Variants in CAPRIN1 observed in about 807,000 individuals in gnomAD.
The protein encoded by CAPRIN1 is caprin-1.
Under a neutral mutation model 100.9 loss-of-function variants are expected in CAPRIN1, and 29 were observed. The ratio of observed to expected loss-of-function variants is 0.29; its 90% CI spans 0.21 to 0.39. CAPRIN1 has a LOEUF of 0.39. CAPRIN1 is among the 10% of genes least tolerant of loss of function. The pLI, the probability that CAPRIN1 is intolerant of heterozygous loss-of-function variation, is 1.00. For synonymous variants in CAPRIN1, 338 were observed against 307.5 expected (o/e 1.10, Z -1.04); for missense variants, 795 against 876.7 (o/e 0.91, Z 1.18).
intron 2 of CAPRIN1, among the ~76,000 whole-genome samples, chr11:34,059,208 CT>C (rs1031502334): frequency 3.3e-5 from 5 of 151,560 alleles, no homozygotes; most frequent in African/African-American, 1.2e-4. Context: ...CCATGCTCAG[CT>C]AAAGTAGTTT....
intron 15 of CAPRIN1, among the ~76,000 whole-genome samples, chr11:34,094,843 A>C (rs1170669323): frequency 6.6e-6 from 1 of 152,162 alleles, no homozygotes; most frequent in Non-Finnish European, 1.5e-5. Context: ...ATCACACTTA[A>C]GTTATTATGC....
intron 2 of CAPRIN1, among the ~76,000 whole-genome samples, chr11:34,067,855 G>C (rs1850729297): frequency 6.6e-6 from 1 of 151,976 alleles, no homozygotes; most frequent in African/African-American, 2.4e-5. Context: ...ACTTTCTTTT[G>C]TCATAATGTT....
At chr11:34,056,676 TTA>T (rs1360129225) in intron 2 of CAPRIN1, 1 of 152,188 alleles carries the variant, frequency 6.6e-6, no homozygotes, top group African/African-American at 2.4e-5. Context: ...AGTCTTAATT[TTA>T]ACTGAAGAGA....
rs1851371608 is a variant in CAPRIN1, at chr11:34,096,632, G to T, written c.1859G>T (p.Gly620Val). The T allele has an allele frequency of 1.9e-6, 3 of 1,610,238 alleles. No homozygotes were observed. In the South Asian group the frequency reaches 3.3e-5, roughly 18 times the overall value. The change falls in exon 16 of 19, where the codon GGC (glycine) becomes GTC (valine). Residue 620 changes from glycine to valine, a missense_variant. By Grantham distance (109) the Gly-to-Val change is moderately radical. Transcript: ENST00000341394. The stretch of plus-strand genomic sequence containing the variant: ...CGTGGAGGCTCCCGTGGTGCTAGAG[G>T]CTTGATGAATGGATACCGGGGCCCT... ...VSRGGSRGARGLMNGYRGPAN... is the reference protein window; with the variant it reads ...VSRGGSRGARVLMNGYRGPAN...
chr11:34,090,479 TGGCTAAG>T, intron 13 of CAPRIN1, 43 bp from the exon 14 acceptor site: 1 of 1,586,026 alleles, frequency 6.3e-7, no homozygotes, highest in Admixed American at 1.7e-5. Flanking sequence ...ACTTTTTGTT[TGGCTAAG>T]TTTAGTTTAC....
At chr11:34,085,808 G>GA (rs1247648567) in intron 9 of CAPRIN1, among the ~76,000 whole-genome samples, 1 of 150,598 alleles carries the variant, frequency 6.6e-6, no homozygotes, top group African/African-American at 2.4e-5. Context: ...CGTCTCGAAA[G>GA]AAAAAAAAAT....
Position 34,099,350 on chromosome 11 carries a change from A to C in CAPRIN1, c.2113A>C (p.Thr705Pro). The C allele has an allele frequency of 6.2e-7, 1 of 1,613,774 alleles. No individual in the cohort carries two copies. The highest frequency in any genetic ancestry group is 8.5e-7 in the Non-Finnish European group (1 of 1,179,728). ...RPNRGMPQMN[T>P]QQVN ...CAACAGAGGGATGCCGCAAATGAACACTCAGCAAGTGAATTAATCTGATTC... is the reference window on the plus strand; with the variant it reads ...CAACAGAGGGATGCCGCAAATGAACCCTCAGCAAGTGAATTAATCTGATTC... Residue 705 changes from threonine (T) to proline (P), a missense_variant, in exon 19 of 19, where the codon ACT becomes CCT. Coordinates refer to ENST00000341394, the MANE Select transcript of CAPRIN1 (RefSeq NM_005898.5).
intron 2 of CAPRIN1, chr11:34,053,219 TG>T (rs1203840759): frequency 1.1e-6 from 1 of 929,116 alleles, no homozygotes; most frequent in Non-Finnish European, 1.3e-6. Flanking sequence ...CCATTTTGAA[TG>T]GGTCTTCGAT....
chr11:34,052,537 T>C lies in CAPRIN1; in HGVS notation c.117T>C (p.Ser39=), dbSNP rs1405574772. 3 of 1,607,850 alleles carry C rather than the reference T, an allele frequency of 1.9e-6. No homozygotes were observed. Among genetic ancestry groups the C allele is most frequent in the Admixed American group, 1.7e-5 (1 of 59,442 alleles). The change falls in exon 2 of 19, where the codon TCT becomes TCC. Residue 39 remains serine, a synonymous_variant. Transcript: ENST00000341394. ...GAGCCGGGGCCGCCGCGCCGGCTTC[T>C]CAGCACCCCGCAACCGGCACCGGCG... is the stretch of plus-strand genomic sequence containing the variant. ...AAGAGAAAPA[S]QHPATGTGAV... is the part of the protein sequence containing the mutation.
intron 2 of CAPRIN1, among the ~76,000 whole-genome samples, chr11:34,068,602 T>C (rs1590727271): frequency 6.6e-6 from 1 of 152,336 alleles, no homozygotes; most frequent in Non-Finnish European, 1.5e-5. Flanking sequence ...AGGATTGTTA[T>C]TGGTGAGAGT....
intron 7 of CAPRIN1, among the ~76,000 whole-genome samples, chr11:34,080,427 ATTTG>A (rs1851005275): frequency 2.0e-5 from 3 of 152,096 alleles, no homozygotes; most frequent in Admixed American, 6.6e-5. Flanking sequence ...ACATGCCCAG[ATTTG>A]CTATTTACTA....
intron 14 of CAPRIN1, among the ~76,000 whole-genome samples, chr11:34,091,170 A>G (rs1002182291): frequency 2.0e-5 from 3 of 152,246 alleles, no homozygotes; most frequent in Non-Finnish European, 4.4e-5. Flanking sequence ...GAAAGTTCAT[A>G]AGATTAAATA....
chr11:34,072,341 T>A (rs961623879), intron 4 of CAPRIN1, among the ~76,000 whole-genome samples: 9 of 151,934 alleles, frequency 5.9e-5, no homozygotes, highest in Admixed American at 1.3e-4. Flanking sequence ...ACATTAAATT[T>A]AAAAATTTTT....
In CAPRIN1 at chr11:34,074,081, C is replaced by G. The variant is rs530048146; in HGVS notation, c.366+2094C>G. On this transcript the variant is annotated intron_variant, in intron 4 of 18. Coordinates refer to ENST00000341394, the MANE Select transcript of CAPRIN1 (RefSeq NM_005898.5). Reference sequence around the variant, plus strand: ...AAGGCCCACCCTCCCAACACTATTGCGTTGGGAGGGTTAAGTTTCTAACAC... The same window carrying G: ...AAGGCCCACCCTCCCAACACTATTGGGTTGGGAGGGTTAAGTTTCTAACAC... 1.4e-4 allele frequency among the ~76,000 whole-genome samples: 21 copies of G among 152,214 alleles called. No individual in the cohort carries two copies. The South Asian group carries it at 1.5e-3, about 11-fold the overall frequency.
At chr11:34,058,807 C>T (rs564067538) in intron 2 of CAPRIN1, among the ~76,000 whole-genome samples, 1 of 152,294 alleles carries the variant, frequency 6.6e-6, no homozygotes, top group Admixed American at 6.5e-5. Flanking sequence ...ATTTGTCAGA[C>T]TCTACTCCAG....
At chr11:34,053,134 G>C in intron 2 of CAPRIN1, 2 of 990,228 alleles carry the variant, frequency 2.0e-6, no homozygotes, top group Non-Finnish European at 2.4e-6. Context: ...CTCGAGACCT[G>C]TCGAGCGTCC....
Position 34,076,196 on chromosome 11 carries a change from A to G in CAPRIN1, c.367-40A>G, listed in dbSNP as rs747793733. 25 of 1,472,588 alleles carry G rather than the reference A, an allele frequency of 1.7e-5. 1 individual carries two copies. In the South Asian group the frequency reaches 2.3e-4, roughly 14 times the overall value. The allele number at this position is 1,472,588 out of a possible 1,614,324, so 91.2% of individuals were successfully genotyped here. A position where few individuals can be genotyped will look rare whatever the true frequency, so the allele number is the denominator to read the frequency against. ...TGAAATGGATTGAACTAAGTTTTAT[A>G]TAACTAATTTTGGTGTTTTACTTTT... On this transcript the variant is annotated intron_variant, in intron 4 of 18. Coordinates refer to ENST00000341394, the MANE Select transcript of CAPRIN1 (RefSeq NM_005898.5).
chr11:34,097,217 C>T lies in CAPRIN1; in HGVS notation c.1922C>T (p.Pro641Leu). The T allele has an allele frequency of 6.2e-7, 1 of 1,612,938 alleles. No homozygotes were observed. The highest frequency in any genetic ancestry group is 8.5e-7 in the Non-Finnish European group (1 of 1,178,964). Residue 641 changes from proline to leucine, a missense_variant, in exon 17 of 19, where the codon CCT (proline) becomes CTT (leucine). Coordinates refer to ENST00000341394, the MANE Select transcript of CAPRIN1 (RefSeq NM_005898.5). ...GFRGGYDGYRPSFSNTPNSGY... is the reference protein window; with the variant it reads ...GFRGGYDGYRLSFSNTPNSGY... The stretch of plus-strand genomic sequence containing the variant: ...TTAGGAGGATATGATGGTTACCGCC[C>T]TTCATTCTCTAACACTCCAAACAGT...
intron 2 of CAPRIN1, among the ~76,000 whole-genome samples, chr11:34,055,165 T>A (rs1850423635): frequency 6.6e-6 from 1 of 152,198 alleles, no homozygotes; most frequent in African/African-American, 2.4e-5. Context: ...ATTTTATTTT[T>A]ATTTTTTGAG....
Sources: gnomAD v4.1 joint callset for allele counts (sites outside exome capture counted in the v4.1 genomes callset) on GRCh38, gnomAD v4.1.1 for gene constraint, MANE v1.5 for transcripts, NCBI Gene and HGNC (gene_info 2026-07-23, HGNC 2026-07-21) for gene names.